The following TENT5D variants were observed in gnomAD, a reference collection of about 807,000 sequenced individuals.
TENT5D encodes the protein cancer/testis antigen 112.
For missense variants in TENT5D, 191 were observed against 287.0 expected, an observed-to-expected ratio of 0.67 and a Z score of 2.42; for synonymous variants, 103 against 100.6, an observed-to-expected ratio of 1.02 and a Z score of -0.15.
intron 3 of TENT5D, among the ~76,000 whole-genome samples, chrX:80,344,908 C>G (rs1329252037): frequency 9.0e-6 from 1 of 111,569 alleles, no homozygotes; most frequent in Non-Finnish European, 1.9e-5. Flanking sequence ...ATGTTAGTTT[C>G]CAGTGCTTTT....
chrX:80,354,144 C>A (rs1350087474), intron 3 of TENT5D, among the ~76,000 whole-genome samples: 1 of 111,183 alleles, frequency 9.0e-6, no homozygotes, highest in Non-Finnish European at 1.9e-5. Context: ...AAGAATTTTT[C>A]TTTTGTATTG....
At chrX:80,336,082 C>T (rs961950125) in intron 2 of TENT5D, among the ~76,000 whole-genome samples, 8 of 110,559 alleles carry the variant, frequency 7.2e-5, no homozygotes, top group African/African-American at 2.3e-4. Flanking sequence ...CGATTCGTTT[C>T]AATTCAAAAC....
chrX:80,421,785 G>A (rs1931888006), intron 1 of TENT5D, among the ~76,000 whole-genome samples: 1 of 111,384 alleles, frequency 9.0e-6, no homozygotes, highest in African/African-American at 3.3e-5. Flanking sequence ...AATGAGGGAG[G>A]GGACTTCCCC....
exon 3 of TENT5D, chrX:80,445,248 T>C (rs1057325125): frequency 4.9e-5 from 6 of 122,859 alleles, no homozygotes; most frequent in African/African-American, 9.7e-5. Context: ...TTTAAAACAC[T>C]ATGGACTTAC....
At chrX:80,382,132 G>A (rs1246388332) in intron 3 of TENT5D, among the ~76,000 whole-genome samples, 1 of 111,484 alleles carries the variant, frequency 9.0e-6, no homozygotes, top group African/African-American at 3.3e-5. Context: ...CCTACACATG[G>A]GATTTTGGTG....
intron 3 of TENT5D, among the ~76,000 whole-genome samples, chrX:80,381,465 G>T (rs1243552121): frequency 9.0e-6 from 1 of 110,943 alleles, no homozygotes; most frequent in Admixed American, 9.7e-5. Context: ...GAGTATCTTT[G>T]TGGTGTTCTC....
chrX:80,385,265 C>T (rs904742314), intron 3 of TENT5D, among the ~76,000 whole-genome samples: 1 of 110,929 alleles, frequency 9.0e-6, no homozygotes, highest in African/African-American at 3.3e-5. Flanking sequence ...AGAAATAATA[C>T]CACACATCTA....
At chrX:80,420,729 G>A (rs1475878592) in intron 1 of TENT5D, among the ~76,000 whole-genome samples, 166 bp downstream of exon 1, 2 of 112,068 alleles carry the variant, frequency 1.8e-5, no homozygotes, top group African/African-American at 6.5e-5. Flanking sequence ...CATGGCTGTG[G>A]TAAAACTGAA....
chrX:80,425,321 T>C (rs1336971835), intron 1 of TENT5D, among the ~76,000 whole-genome samples: 1 of 112,541 alleles, frequency 8.9e-6, no homozygotes, highest in Non-Finnish European at 1.9e-5. Context: ...TAAAATAAGT[T>C]TTCTTGACTG....
intron 3 of TENT5D, among the ~76,000 whole-genome samples, chrX:80,392,418 A>G (rs1254956501): frequency 9.5e-6 from 1 of 105,554 alleles, no homozygotes; most frequent in African/African-American, 3.5e-5. Flanking sequence ...ATTGAAGACC[A>G]TTCTTAATGG....
chrX:80,412,493 GCT>G (rs1931691309), intron 3 of TENT5D, among the ~76,000 whole-genome samples: 1 of 112,250 alleles, frequency 8.9e-6, no homozygotes, highest in Non-Finnish European at 1.9e-5. Flanking sequence ...TGAACTTTTT[GCT>G]CTGTTTTCCT....
chrX:80,414,597 T>G (rs780569580), intron 3 of TENT5D, among the ~76,000 whole-genome samples: 14 of 112,257 alleles, frequency 1.2e-4, no homozygotes, highest in Admixed American at 9.4e-4. Flanking sequence ...TTCAGTCTTG[T>G]AAGGTGGGAC....
intron 3 of TENT5D, among the ~76,000 whole-genome samples, chrX:80,365,704 G>A (rs1052593224): frequency 5.5e-5 from 6 of 109,448 alleles, no homozygotes; most frequent in Non-Finnish European, 9.5e-5. Context: ...ATCCAGGCGC[G>A]GTGGCAGCCA....
chrX:80,429,958 T>C (rs936694556), intron 1 of TENT5D, among the ~76,000 whole-genome samples: 1 of 111,211 alleles, frequency 9.0e-6, no homozygotes, highest in East Asian at 2.8e-4. Context: ...TGTTTGGTTC[T>C]GGTTCTTTGC....
chrX:80,357,588 T>C (rs1452430039), intron 3 of TENT5D, among the ~76,000 whole-genome samples: 1 of 111,717 alleles, frequency 9.0e-6, no homozygotes, highest in African/African-American at 3.3e-5. Context: ...TCATATCCTT[T>C]GCCCACTTGT....
intron 3 of TENT5D, among the ~76,000 whole-genome samples, chrX:80,363,356 G>A (rs967326596): frequency 6.3e-5 from 7 of 111,442 alleles, no homozygotes; most frequent in Admixed American, 9.6e-5. Flanking sequence ...AATGCAAGAT[G>A]TGGCATAGAA....
intron 3 of TENT5D, among the ~76,000 whole-genome samples, chrX:80,371,926 T>C (rs1325540321): frequency 8.9e-6 from 1 of 111,818 alleles, no homozygotes; most frequent in Non-Finnish European, 1.9e-5. Flanking sequence ...GCTTTGTATT[T>C]GCATTCATAA....
intron 2 of TENT5D, among the ~76,000 whole-genome samples, chrX:80,336,492 T>C (rs1929852600): frequency 9.1e-6 from 1 of 110,285 alleles, no homozygotes; most frequent in Admixed American, 9.9e-5. Context: ...ATTAAGACTT[T>C]ACAGAAACAG....
chrX:80,393,105 A>G (rs932372500), intron 3 of TENT5D, among the ~76,000 whole-genome samples: 1 of 110,346 alleles, frequency 9.1e-6, no homozygotes, highest in South Asian at 4.0e-4. Context: ...TTATTTGACA[A>G]CCAACTTGTT....
Sources: allele counts gnomAD v4.1 joint callset (sites outside exome capture counted in the v4.1 genomes callset), GRCh38; gene constraint gnomAD v4.1.1; transcripts MANE v1.5; gene names NCBI Gene and HGNC (gene_info 2026-07-23, HGNC 2026-07-21).